Variants in PGS1 observed in about 807,000 individuals in gnomAD.
PGS1 encodes CDP-diacylglycerol--glycerol-3-phosphate 3-phosphatidyltransferase, mitochondrial.
Under a neutral mutation model 58.3 loss-of-function variants are expected in PGS1, and 44 were observed. The ratio of observed to expected loss-of-function variants is 0.75; its 90% CI spans 0.59 to 0.97. PGS1 has a LOEUF of 0.97. PGS1 is among the 50% of genes least tolerant of loss of function. The pLI is 0.00. For synonymous variants in PGS1, 330 were observed against 311.0 expected (o/e 1.06, Z -0.64); for missense variants, 684 against 731.1 (o/e 0.94, Z 0.74).
At chr17:78,388,184 A>T (rs2082547437) in intron 1 of PGS1, among the ~76,000 whole-genome samples, 1 of 152,220 alleles carries the variant, frequency 6.6e-6, no homozygotes, top group South Asian at 2.1e-4. Context: ...CCCTCGTGGA[A>T]CATTCCCAGT....
At chr17:78,385,266 C>T (rs1298399331) in intron 1 of PGS1, among the ~76,000 whole-genome samples, 1 of 152,058 alleles carries the variant, frequency 6.6e-6, no homozygotes, top group African/African-American at 2.4e-5. Flanking sequence ...TTGCAGGTGC[C>T]TGCTACCATG....
At chr17:78,396,013 T>A (rs1285626110) in intron 2 of PGS1, among the ~76,000 whole-genome samples, 1 of 152,274 alleles carries the variant, frequency 6.6e-6, no homozygotes, top group Non-Finnish European at 1.5e-5. Flanking sequence ...GTGCTGGGAT[T>A]ATAGGCGTGA....
rs146998082 is a variant in PGS1, at chr17:78,404,482, G to C, written c.1402+393G>C. Among the ~76,000 whole-genome samples, 218 of 152,108 alleles carry C rather than the reference G, an allele frequency of 1.4e-3. 1 individual carries two copies. Among genetic ancestry groups the C allele is most frequent in the African/African-American group, 5.1e-3 (211 of 41,480 alleles). On this transcript the variant is annotated intron_variant, in intron 7 of 9. Coordinates refer to ENST00000262764, the MANE Select transcript of PGS1 (RefSeq NM_024419.5). Reference sequence around the variant, plus strand: ...TTTTGTAGAGATGGGATTTTACCATGTTGCCCAGGCTGGTTTTGAACTCCG... The same window carrying C: ...TTTTGTAGAGATGGGATTTTACCATCTTGCCCAGGCTGGTTTTGAACTCCG...
chr17:78,398,494 G>A (rs1348518850), intron 4 of PGS1, 143 bp downstream of exon 4: 2 of 650,564 alleles, frequency 3.1e-6, no homozygotes, highest in East Asian at 5.3e-5. Flanking sequence ...GCCTGATTGT[G>A]TGAGTTAGGA....
Position 78,400,940 on chromosome 17 carries a change from C to T in PGS1, c.880+85C>T, listed in dbSNP as rs899597421. The T allele has an allele frequency of 4.6e-5, 56 of 1,226,334 alleles. No individual in the cohort carries two copies. Among genetic ancestry groups the T allele is most frequent in the Middle Eastern group, 2.2e-4 (1 of 4,448 alleles). The allele number at this position is 1,226,334 out of a possible 1,614,324, so 76.0% of individuals were successfully genotyped here. A position where few individuals can be genotyped will look rare whatever the true frequency, so the allele number is the denominator to read the frequency against. Reference sequence around the variant, plus strand: ...AGAGCACAACTCTAGGTGGTTCTGCCACAGGCATAGGGGACTTGGGTGGCA... The same window carrying T: ...AGAGCACAACTCTAGGTGGTTCTGCTACAGGCATAGGGGACTTGGGTGGCA... On this transcript the variant is annotated intron_variant, in intron 6 of 9. Transcript: ENST00000262764. This position sits in a 1 kb window ranked among gnomAD's most constrained non-coding sequence, Gnocchi z 4.4.
chr17:78,405,358 C>T (rs953993239), intron 7 of PGS1, among the ~76,000 whole-genome samples: 83 of 152,292 alleles, frequency 5.5e-4, no homozygotes, highest in African/African-American at 1.9e-3. Flanking sequence ...GCATCAGCAG[C>T]CCAGTTTTCT....
chr17:78,410,520 C>A (rs1307457049), intron 7 of PGS1, among the ~76,000 whole-genome samples: 1 of 114,914 alleles, frequency 8.7e-6, no homozygotes, highest in African/African-American at 3.4e-5. Context: ...GTCACCCAGG[C>A]TGGAATGCAG....
At position 78,424,073 on chromosome 17, in the gene PGS1, T is replaced by G. The variant is rs952026712; in HGVS notation, c.*23T>G. 1.9e-6 allele frequency: 3 copies of G among 1,613,878 alleles called. No individual in the cohort carries two copies. Among genetic ancestry groups the G allele is most frequent in the Admixed American group, 3.3e-5 (2 of 60,008 alleles). On this transcript the variant is annotated 3_prime_UTR_variant, in exon 10 of 10. Transcript: ENST00000262764. The stretch of plus-strand genomic sequence containing the variant: ...ATGCGGTCCACAGGAATGGCCTTGA[T>G]GAAGATGACAGGCATGGCCGGGGTC...
At chr17:78,382,215 A>C (rs1191967010) in intron 1 of PGS1, among the ~76,000 whole-genome samples, 1 of 152,160 alleles carries the variant, frequency 6.6e-6, no homozygotes, top group Non-Finnish European at 1.5e-5. Context: ...GGAGCTGACT[A>C]GGGGTACCGA....
intron 7 of PGS1, among the ~76,000 whole-genome samples, 174 bp from the exon 8 acceptor site, chr17:78,414,705 G>T (rs540137726): frequency 2.6e-5 from 4 of 152,170 alleles, no homozygotes; most frequent in African/African-American, 9.7e-5. Flanking sequence ...CTGCCGCGCC[G>T]GGGTGGGGGT....
intron 8 of PGS1, among the ~76,000 whole-genome samples, chr17:78,419,248 C>T (rs879295128): frequency 4.6e-5 from 7 of 152,192 alleles, no homozygotes; most frequent in Admixed American, 1.3e-4. Flanking sequence ...TGAGCTCAAG[C>T]GATCCTCCTG....
At chr17:78,390,311 T>G (rs1008051581) in intron 1 of PGS1, among the ~76,000 whole-genome samples, 1 of 114,004 alleles carries the variant, frequency 8.8e-6, no homozygotes, top group Non-Finnish European at 1.8e-5. Flanking sequence ...CATCACCCCC[T>G]CTAGAGACGG....
chr17:78,404,060 G>T lies in PGS1; in HGVS notation c.1373G>T (p.Trp458Leu). 1 of 1,598,038 alleles carries T rather than the reference G, an allele frequency of 6.3e-7. No individual in the cohort carries two copies. ...GAGCGGGTCCAGCTTCAGGAGTACT[G>T]GCGGAGGGGCTGGACGTTCCACGCC... ...QQERVQLQEYWRRGWTFHAKG... is the reference protein window; with the variant it reads ...QQERVQLQEYLRRGWTFHAKG... Residue 458 changes from tryptophan (W) to leucine (L), a missense_variant, in exon 7 of 10, where the codon TGG (tryptophan) becomes TTG (leucine). Physicochemically the swap from Trp to Leu is moderately conservative, Grantham distance 61. Coordinates refer to ENST00000262764, the MANE Select transcript of PGS1 (RefSeq NM_024419.5).
In PGS1 at chr17:78,399,020, C is replaced by T. The variant is rs541705945; in HGVS notation, c.512-328C>T. Among the ~76,000 whole-genome samples the T allele has an allele frequency of 7.6e-4, 115 of 152,290 alleles. 3 individuals carry two copies. In the South Asian group the frequency reaches 0.02, roughly 26 times the overall value. Reference sequence around the variant, plus strand: ...GGGTGAGGGGCAAGGTGGGTAGGGTCGTCTTCACCCAGAGCAGAAATGCTG... The same window carrying T: ...GGGTGAGGGGCAAGGTGGGTAGGGTTGTCTTCACCCAGAGCAGAAATGCTG... On this transcript the variant is annotated intron_variant, in intron 4 of 9. Coordinates refer to ENST00000262764, the MANE Select transcript of PGS1 (RefSeq NM_024419.5).
intron 7 of PGS1, 58 bp downstream of exon 7, chr17:78,404,147 G>A (rs2083916132): frequency 6.9e-7 from 1 of 1,455,968 alleles, no homozygotes; most frequent in Non-Finnish European, 9.1e-7. Context: ...ACATGGGCAG[G>A]GGGTGGGGAG....
In PGS1 at chr17:78,424,309, T is replaced by TCACCTACGAAGGCC; in HGVS notation, c.*259_*260insCACCTACGAAGGCC. ...GCTGCCACGGCTGGAAGCAGAGGCC[T>TCACCTACGAAGGCC]TCGTAGGTGATGGCCTGCATGTTGT... On this transcript the variant is annotated 3_prime_UTR_variant, in exon 10 of 10. Transcript: ENST00000262764. The TCACCTACGAAGGCC allele has an allele frequency of 2.2e-6, 2 of 900,082 alleles. No individual in the cohort carries two copies. The highest frequency in any genetic ancestry group is 3.3e-6 in the Non-Finnish European group (2 of 613,142). The allele number at this position is 900,082 out of a possible 1,614,324, so 55.8% of individuals were successfully genotyped here.
intron 7 of PGS1, among the ~76,000 whole-genome samples, chr17:78,411,419 C>T (rs1309370217): frequency 1.3e-5 from 2 of 152,192 alleles, no homozygotes; most frequent in Admixed American, 6.5e-5. Flanking sequence ...CAGCAGCAGT[C>T]CCAACTCCAG....
At chr17:78,378,890 T>G in intron 1 of PGS1, 82 bp downstream of exon 1, 3 of 1,306,006 alleles carry the variant, frequency 2.3e-6, no homozygotes, top group African/African-American at 3.1e-5. Flanking sequence ...GGCCCCAGCG[T>G]CCTGGGCATC....
At chr17:78,405,805 G>A (rs534211337) in intron 7 of PGS1, among the ~76,000 whole-genome samples, 1 of 152,212 alleles carries the variant, frequency 6.6e-6, no homozygotes, top group East Asian at 1.9e-4. Flanking sequence ...GGGCAGTCCA[G>A]AGGCCTGTTT....
Sources: gnomAD v4.1 joint callset for allele counts (sites outside exome capture counted in the v4.1 genomes callset) on GRCh38, gnomAD v4.1.1 for gene constraint, Gnocchi (gnomAD v3.1) non-coding constraint, MANE v1.5 for transcripts, NCBI Gene and HGNC (gene_info 2026-07-23, HGNC 2026-07-21) for gene names.